The following SH3GL3 variants were observed in gnomAD, a reference collection of about 807,000 sequenced individuals.
SH3GL3 encodes endophilin-A3.
Under a neutral mutation model 47.7 loss-of-function variants are expected in SH3GL3, and 33 were observed. The ratio of observed to expected loss-of-function variants is 0.69; its 90% confidence interval spans 0.52 to 0.92. The LOEUF (loss-of-function observed/expected upper bound fraction) is 0.92. Among genes scored for constraint, SH3GL3 ranks in the 40% least tolerant of loss-of-function variants. SH3GL3 has a pLI of 0.00. For synonymous variants in SH3GL3, 155 were observed against 148.8 expected (o/e 1.04, Z -0.30); for missense variants, 363 against 417.8 (o/e 0.87, Z 1.14).
intron 1 of SH3GL3, among the ~76,000 whole-genome samples, chr15:83,537,364 T>C (rs1471370932): frequency 6.6e-6 from 1 of 152,146 alleles, no homozygotes; most frequent in Non-Finnish European, 1.5e-5. Context: ...ATAATATTAA[T>C]GGCTAATATT....
At chr15:83,497,660 C>T (rs2042134842) in intron 1 of SH3GL3, among the ~76,000 whole-genome samples, 1 of 152,192 alleles carries the variant, frequency 6.6e-6, no homozygotes, top group Non-Finnish European at 1.5e-5. Context: ...TTCTTCATTG[C>T]TGGACTTTTA....
chr15:83,507,078 T>C (rs2042541450), intron 1 of SH3GL3, among the ~76,000 whole-genome samples: 1 of 152,014 alleles, frequency 6.6e-6, no homozygotes, highest in Admixed American at 6.6e-5. Context: ...CGATCTCCGC[T>C]CACTGCAAGC....
intron 1 of SH3GL3, among the ~76,000 whole-genome samples, chr15:83,534,766 T>A (rs2043832329): frequency 6.6e-6 from 1 of 152,174 alleles, no homozygotes; most frequent in African/African-American, 2.4e-5. Context: ...GAGGAAGGAA[T>A]AGAATGACCC....
At chr15:83,589,156 C>G (rs751804573) in intron 8 of SH3GL3, among the ~76,000 whole-genome samples, 35 of 151,986 alleles carry the variant, frequency 2.3e-4, no homozygotes, top group Non-Finnish European at 4.4e-4. Context: ...GCAAATGTGT[C>G]TTTTAGTAAA....
chr15:83,543,076 G>C (rs1027612221), intron 1 of SH3GL3, among the ~76,000 whole-genome samples: 14 of 151,892 alleles, frequency 9.2e-5, no homozygotes, highest in Admixed American at 1.3e-4. Context: ...GGACAGGCTT[G>C]CATTTTTTCC....
chr15:83,510,730 G>GA (rs2151628695), intron 1 of SH3GL3, among the ~76,000 whole-genome samples: 1 of 152,148 alleles, frequency 6.6e-6, no homozygotes, highest in Non-Finnish European at 1.5e-5. Flanking sequence ...ATGTAAAAGG[G>GA]TCCATGAAGC....
At chr15:83,569,435 A>G (rs898484853) in intron 4 of SH3GL3, among the ~76,000 whole-genome samples, 4 of 152,266 alleles carry the variant, frequency 2.6e-5, no homozygotes, top group Non-Finnish European at 2.9e-5. Flanking sequence ...AAAACATTTT[A>G]CATAGCATTT....
chr15:83,521,995 C>T lies in SH3GL3; in HGVS notation c.46-37258C>T, dbSNP rs571165164. On this transcript the variant is annotated intron_variant, in intron 1 of 8. Transcript: ENST00000427482. ...TATTGCTGGAATAGTGGTGCTATGT[C>T]GGGGAGAGGACACAGAGAGGAACAG... is the stretch of plus-strand genomic sequence containing the variant. Among the ~76,000 whole-genome samples the T allele has an allele frequency of 4.0e-4, 60 of 151,846 alleles. No individual in the cohort carries two copies. In the South Asian group the frequency reaches 0.012, roughly 30 times the overall value.
chr15:83,588,156 C>A (rs963504409), intron 7 of SH3GL3, among the ~76,000 whole-genome samples: 3 of 152,110 alleles, frequency 2.0e-5, no homozygotes, highest in African/African-American at 7.2e-5. Flanking sequence ...GCTCTGTTGC[C>A]CAGGCTGGAG....
intron 8 of SH3GL3, among the ~76,000 whole-genome samples, chr15:83,601,175 G>C (rs1450488634): frequency 6.6e-6 from 1 of 152,094 alleles, no homozygotes; most frequent in Non-Finnish European, 1.5e-5. Context: ...ATACCGATTT[G>C]GATGCCCTTT....
intron 8 of SH3GL3, among the ~76,000 whole-genome samples, chr15:83,603,886 G>A (rs908930740): frequency 6.6e-6 from 1 of 152,230 alleles, no homozygotes; most frequent in Non-Finnish European, 1.5e-5. Context: ...TGTAATCCCA[G>A]CACTTTGGGA....
At chr15:83,614,341 C>T (rs970253773) in intron 8 of SH3GL3, among the ~76,000 whole-genome samples, 7 of 152,246 alleles carry the variant, frequency 4.6e-5, no homozygotes, top group African/African-American at 1.2e-4. Context: ...GGGTCTGTCA[C>T]GGAAGGAGCT....
intron 1 of SH3GL3, among the ~76,000 whole-genome samples, chr15:83,493,430 A>G (rs1454733584): frequency 6.6e-6 from 1 of 152,190 alleles, no homozygotes; most frequent in African/African-American, 2.4e-5. Context: ...CCCTCCTCTG[A>G]GGCAAAATTA....
At chr15:83,606,165 A>G (rs746146633) in intron 8 of SH3GL3, among the ~76,000 whole-genome samples, 12 of 152,206 alleles carry the variant, frequency 7.9e-5, no homozygotes, top group Non-Finnish European at 1.5e-4. Flanking sequence ...AAATTAGTTA[A>G]CAAATATGTA....
At chr15:83,554,777 T>C (rs1024964204) in intron 1 of SH3GL3, among the ~76,000 whole-genome samples, 3 of 152,200 alleles carry the variant, frequency 2.0e-5, no homozygotes, top group Admixed American at 1.3e-4. Context: ...TCAATCTTAT[T>C]GTTGCTTTGG....
At chr15:83,612,427 G>T (rs2060692689) in intron 8 of SH3GL3, among the ~76,000 whole-genome samples, 1 of 152,182 alleles carries the variant, frequency 6.6e-6, no homozygotes, top group South Asian at 2.1e-4. Context: ...GTGTGTCACT[G>T]CCCCCAGGCA....
chr15:83,592,609 T>A (rs1473149707), intron 8 of SH3GL3, among the ~76,000 whole-genome samples: 1 of 152,234 alleles, frequency 6.6e-6, no homozygotes, highest in Non-Finnish European at 1.5e-5. Context: ...AGAGGTTGTA[T>A]TTGGCTTTTT....
At chr15:83,466,605 G>A (rs983980787) in intron 1 of SH3GL3, among the ~76,000 whole-genome samples, 1 of 152,158 alleles carries the variant, frequency 6.6e-6, no homozygotes, top group Non-Finnish European at 1.5e-5. Flanking sequence ...CGCTGAATCT[G>A]TTTAGGTTTT....
intron 8 of SH3GL3, among the ~76,000 whole-genome samples, chr15:83,603,840 G>C (rs956155344): frequency 6.6e-6 from 1 of 152,136 alleles, no homozygotes; most frequent in African/African-American, 2.4e-5. Context: ...AATCTAACAG[G>C]TCACTGGGTT....
Sources: gnomAD v4.1 joint callset for allele counts (sites outside exome capture counted in the v4.1 genomes callset) on GRCh38, gnomAD v4.1.1 for gene constraint, MANE v1.5 for transcripts, NCBI Gene and HGNC (gene_info 2026-07-23, HGNC 2026-07-21) for gene names.